BACH2: variants seen among roughly 807,000 people sequenced by gnomAD.
BACH2 encodes the protein transcription regulator protein BACH2.
BACH2 carries 5 observed loss-of-function variants against 61.8 expected under a neutral mutation model. The observed-to-expected ratio is 0.08, with a 90% CI of 0.04 to 0.17. The LOEUF (loss-of-function observed/expected upper bound fraction) is 0.17, where lower values mean the gene tolerates loss of function less well. BACH2 is among the 10% of genes least tolerant of loss of function. The probability of loss-of-function intolerance (pLI) is 1.00; values close to 1 mark genes in which losing one functional copy is unlikely to be tolerated. For synonymous variants in BACH2, 446 were observed against 440.1 expected, an observed-to-expected ratio of 1.01 and a Z score of -0.17; for missense variants, 824 against 1,091.1, an observed-to-expected ratio of 0.76 and a Z score of 3.45.
intron 6 of BACH2, among the ~76,000 whole-genome samples, chr6:89,969,471 A>T (rs1285565204): frequency 6.6e-6 from 1 of 152,156 alleles, no homozygotes; most frequent in Non-Finnish European, 1.5e-5. Context: ...GCAGCAGAAG[A>T]TGAGAGACAA....
At chr6:90,044,026 G>A (rs1422249692) in intron 5 of BACH2, among the ~76,000 whole-genome samples, 1 of 152,102 alleles carries the variant, frequency 6.6e-6, no homozygotes, top group African/African-American at 2.4e-5. Flanking sequence ...TGTCTACCAT[G>A]TATAACACAT....
rs368154851 is a variant in BACH2 at position 90,009,470 on chromosome 6, T to C, written c.-12-614A>G. Among the ~76,000 whole-genome samples the C allele has an allele frequency of 7.2e-5, 11 of 152,340 alleles. No homozygotes were observed. The South Asian group carries it at 8.3e-4, about 11-fold the overall frequency. On this transcript the variant is annotated intron_variant, in intron 5 of 8. Coordinates refer to ENST00000257749, the MANE Select transcript of BACH2 (RefSeq NM_021813.4). The stretch of plus-strand genomic sequence containing the variant: ...TCTGCCACTTCAAGGCAAAGCACAA[T>C]TGCCATAATGCAATAGTTGCTCAGC...
chr6:89,998,884 C>T (rs1168166765), intron 6 of BACH2, among the ~76,000 whole-genome samples: 1 of 152,162 alleles, frequency 6.6e-6, no homozygotes, highest in Non-Finnish European at 1.5e-5. Flanking sequence ...ATGTCATGAA[C>T]ACCCCAACAA....
chr6:89,945,264 C>T (rs894113551), intron 7 of BACH2, among the ~76,000 whole-genome samples: 1 of 152,182 alleles, frequency 6.6e-6, no homozygotes, highest in Non-Finnish European at 1.5e-5. Context: ...TGGAAACAAC[C>T]CACATGGCCC....
chr6:90,099,036 G>A (rs1782503159), intron 4 of BACH2, among the ~76,000 whole-genome samples: 1 of 152,102 alleles, frequency 6.6e-6, no homozygotes, highest in Admixed American at 6.5e-5. Context: ...TGGAACTTTT[G>A]TTTTAAAAAT....
chr6:90,037,106 T>C (rs1239131961), intron 5 of BACH2, among the ~76,000 whole-genome samples: 1 of 152,146 alleles, frequency 6.6e-6, no homozygotes, highest in Non-Finnish European at 1.5e-5. Flanking sequence ...ATGGGATTCA[T>C]TATACTTCAA....
intron 3 of BACH2, among the ~76,000 whole-genome samples, chr6:90,244,498 T>C (rs1450445189): frequency 6.6e-6 from 1 of 152,202 alleles, no homozygotes; most frequent in East Asian, 1.9e-4. Flanking sequence ...GGGCCCAACA[T>C]TCTCATGGAC....
At chr6:90,113,878 C>T (rs932801979) in intron 4 of BACH2, among the ~76,000 whole-genome samples, 9 of 151,806 alleles carry the variant, frequency 5.9e-5, no homozygotes, top group Non-Finnish European at 1.2e-4. Flanking sequence ...CCATCAGAAA[C>T]GATTACAAAC....
intron 6 of BACH2, among the ~76,000 whole-genome samples, chr6:89,959,096 T>TAC (rs1439187443): frequency 1.0e-4 from 11 of 106,802 alleles, no homozygotes; most frequent in Non-Finnish European, 1.7e-4. Context: ...CATGCACAAG[T>TAC]GCACACACAC....
At chr6:90,003,998 G>C (rs1444121719) in intron 6 of BACH2, among the ~76,000 whole-genome samples, 2 of 152,130 alleles carry the variant, frequency 1.3e-5, no homozygotes, top group Non-Finnish European at 2.9e-5. Flanking sequence ...ACTACTTTCT[G>C]TACTATTACA....
At chr6:90,033,579 T>C (rs911348170) in intron 5 of BACH2, among the ~76,000 whole-genome samples, 1 of 152,124 alleles carries the variant, frequency 6.6e-6, no homozygotes, top group Non-Finnish European at 1.5e-5. Context: ...ATAGGAACAG[T>C]CTTCTGTGGA....
intron 5 of BACH2, among the ~76,000 whole-genome samples, chr6:90,035,151 T>C (rs759386236): frequency 1.3e-5 from 2 of 152,070 alleles, no homozygotes; most frequent in Non-Finnish European, 2.9e-5. Context: ...AAATAGCACA[T>C]GAAAAAATAC....
rs180712781 is a variant in BACH2 at position 89,964,119 on chromosome 6, G to A, written c.244-12257C>T. On this transcript the variant is annotated intron_variant, in intron 6 of 8. Coordinates refer to ENST00000257749, the MANE Select transcript of BACH2 (RefSeq NM_021813.4). Reference sequence around the variant, plus strand: ...ATACCTAATGCTAGATGACGAGTTAGTGGGTGCAGCGCACCAGCATGGCAC... The same window carrying A: ...ATACCTAATGCTAGATGACGAGTTAATGGGTGCAGCGCACCAGCATGGCAC... Among the ~76,000 whole-genome samples, 625 of 151,766 alleles carry A rather than the reference G, an allele frequency of 4.1e-3. 3 individuals carry two copies. Among genetic ancestry groups the A allele is most frequent in the African/African-American group, 0.014 (581 of 41,328 alleles).
intron 5 of BACH2, among the ~76,000 whole-genome samples, chr6:90,040,878 T>C (rs1044004710): frequency 6.6e-6 from 1 of 152,198 alleles, no homozygotes; most frequent in East Asian, 1.9e-4. Flanking sequence ...AATCAGCTGT[T>C]GATCACATAT....
chr6:89,951,105 C>T lies in BACH2; in HGVS notation c.1001G>A (p.Ser334Asn). ...CCTTAAGCAGGAGGGCGAGGCCACGCTCCTGGATCTCTCCAGGCAGGCGGC... is the reference window on the plus strand; with the variant it reads ...CCTTAAGCAGGAGGGCGAGGCCACGTTCCTGGATCTCTCCAGGCAGGCGGC... ...AGAACLERSR[S>N]VASPSCLRSL... The change falls in exon 7 of 9, where the codon AGC becomes AAC. Residue 334 changes from serine (S) to asparagine (N), a missense_variant. Transcript: ENST00000257749. The surrounding 1 kb of genome is among the most constrained non-coding windows in gnomAD (Gnocchi z 6.4). The T allele has an allele frequency of 6.2e-7, 1 of 1,612,766 alleles. No homozygotes were observed. The highest frequency in any genetic ancestry group is 1.1e-5 in the South Asian group (1 of 90,880).
At chr6:90,094,140 T>C (rs1485046487) in intron 4 of BACH2, among the ~76,000 whole-genome samples, 1 of 152,192 alleles carries the variant, frequency 6.6e-6, no homozygotes, top group Non-Finnish European at 1.5e-5. Flanking sequence ...GGTATTCAAT[T>C]ACAGCAACAG....
At chr6:90,097,789 G>A (rs546436806) in intron 4 of BACH2, among the ~76,000 whole-genome samples, 3 of 152,240 alleles carry the variant, frequency 2.0e-5, no homozygotes, top group South Asian at 2.1e-4. Flanking sequence ...TTTAAAGTGA[G>A]TATTTTCTAA....
rs137995101 is a variant in BACH2 at position 90,282,530 on chromosome 6, C to T, written c.-445-10589G>A. On this transcript the variant is annotated intron_variant, in intron 1 of 8. Transcript: ENST00000257749. ...ATAGTATTCCATGGTGTATGTACCA[C>T]ATTTTCTTTATCCAGTCTATCACTG... 5.4e-3 allele frequency among the ~76,000 whole-genome samples: 818 copies of T among 152,114 alleles called. 6 individuals are homozygous for T. Among genetic ancestry groups the T allele is most frequent in the African/African-American group, 0.019 (780 of 41,494 alleles).
In BACH2 at chr6:89,951,899, C is replaced by G; in HGVS notation, c.244-37G>C. The G allele has an allele frequency of 6.3e-7, 1 of 1,591,494 alleles. No homozygotes were observed. The highest frequency in any genetic ancestry group is 1.1e-5 in the South Asian group (1 of 87,096). Reference sequence around the variant, plus strand: ...ACAGGGAAATCGCCAACATTACCATCAGCACTGCTATTGTCCCGAATCCCT... The same window carrying G: ...ACAGGGAAATCGCCAACATTACCATGAGCACTGCTATTGTCCCGAATCCCT... On this transcript the variant is annotated intron_variant, in intron 6 of 8. Coordinates refer to ENST00000257749, the MANE Select transcript of BACH2 (RefSeq NM_021813.4). This position sits in a 1 kb window ranked among gnomAD's most constrained non-coding sequence, Gnocchi z 6.4.
Sources: gnomAD v4.1 joint callset for allele counts (sites outside exome capture counted in the v4.1 genomes callset) on GRCh38, gnomAD v4.1.1 for gene constraint, Gnocchi (gnomAD v3.1) non-coding constraint, MANE v1.5 for transcripts, NCBI Gene and HGNC (gene_info 2026-07-23, HGNC 2026-07-21) for gene names.